SEMA3A: variants seen among roughly 807,000 people sequenced by gnomAD.
SEMA3A encodes semaphorin 3A.
Under a neutral mutation model 97.9 loss-of-function variants are expected in SEMA3A, and 29 were observed. That is an observed-to-expected ratio of 0.30 (90% CI 0.22 to 0.40). SEMA3A has a LOEUF of 0.40. Among genes scored for constraint, SEMA3A ranks in the 10% least tolerant of loss-of-function variants. The pLI is 1.00. For synonymous variants in SEMA3A, 321 were observed against 323.7 expected, an observed-to-expected ratio of 0.99 and a Z score of 0.09; for missense variants, 763 against 951.3, an observed-to-expected ratio of 0.80 and a Z score of 2.60.
At chr7:84,015,746 C>A (rs976111924) in intron 6 of SEMA3A, among the ~76,000 whole-genome samples, 5 of 152,142 alleles carry the variant, frequency 3.3e-5, no homozygotes, top group Non-Finnish European at 7.3e-5. Flanking sequence ...TAATCATTAT[C>A]ATTTGTCCTA....
chr7:84,474,930 G>GA (rs1806242194), intron 1 of SEMA3A, among the ~76,000 whole-genome samples: 3 of 152,094 alleles, frequency 2.0e-5, no homozygotes, highest in African/African-American at 7.2e-5. Flanking sequence ...AAAGTGAAGA[G>GA]AAACTATAAA....
At chr7:84,464,741 G>C (rs1162632122) in intron 1 of SEMA3A, among the ~76,000 whole-genome samples, 1 of 152,166 alleles carries the variant, frequency 6.6e-6, no homozygotes, top group African/African-American at 2.4e-5. Context: ...AGATATCAAA[G>C]ACGGGGAAAG....
At chr7:84,481,547 A>G (rs1409635495) in intron 1 of SEMA3A, among the ~76,000 whole-genome samples, 1 of 152,184 alleles carries the variant, frequency 6.6e-6, no homozygotes, top group East Asian at 1.9e-4. Flanking sequence ...CCCAAAATTT[A>G]TATCTTTGAT....
intron 1 of SEMA3A, among the ~76,000 whole-genome samples, chr7:84,490,680 GA>G (rs1395982489): frequency 6.6e-6 from 1 of 152,104 alleles, no homozygotes; most frequent in Non-Finnish European, 1.5e-5. Flanking sequence ...AATACTACTT[GA>G]TTTTTATTAC....
chr7:84,037,416 C>A (rs942385425), intron 6 of SEMA3A, among the ~76,000 whole-genome samples: 1 of 152,066 alleles, frequency 6.6e-6, no homozygotes, highest in Admixed American at 6.6e-5. Flanking sequence ...CAGCCTTGAC[C>A]TCCCAGGCTC....
intron 4 of SEMA3A, among the ~76,000 whole-genome samples, chr7:84,079,705 A>C: frequency 8.4e-6 from 1 of 119,582 alleles, no homozygotes; most frequent in Non-Finnish European, 1.7e-5. Context: ...AGGAAACAAC[A>C]GGTGCTGGAG....
chr7:84,442,713 A>G (rs1242127234), intron 1 of SEMA3A, among the ~76,000 whole-genome samples: 3 of 152,124 alleles, frequency 2.0e-5, no homozygotes, highest in Non-Finnish European at 2.9e-5. Context: ...AGCCAACTAT[A>G]TATTGTCTAT....
intron 1 of SEMA3A, among the ~76,000 whole-genome samples, chr7:84,418,922 C>A (rs1159102739): frequency 6.6e-6 from 1 of 151,302 alleles, no homozygotes; most frequent in Non-Finnish European, 1.5e-5. Flanking sequence ...CATAAATACA[C>A]ATATATATAT....
intron 1 of SEMA3A, among the ~76,000 whole-genome samples, chr7:84,145,477 T>C (rs1350523267): frequency 6.6e-6 from 1 of 152,176 alleles, no homozygotes; most frequent in Non-Finnish European, 1.5e-5. Context: ...AAAGCAAATG[T>C]AGCAATATAA....
In SEMA3A at chr7:83,984,796, A is replaced by G. The variant is rs147619240; in HGVS notation, c.1494+640T>C. 1.4e-3 allele frequency among the ~76,000 whole-genome samples: 212 copies of G among 152,016 alleles called. 2 individuals carry two copies. The highest frequency in any genetic ancestry group is 5.0e-3 in the African/African-American group (208 of 41,544). ...GCATCCATTTGATATGAATGGAAAGACTATTAACATGCTGCCCTTAACCTT... is the reference window on the plus strand; with the variant it reads ...GCATCCATTTGATATGAATGGAAAGGCTATTAACATGCTGCCCTTAACCTT... On this transcript the variant is annotated intron_variant, in intron 13 of 16. Transcript: ENST00000265362.
chr7:84,487,153 GAAAAGAAATA>G (rs1297257236), intron 1 of SEMA3A, among the ~76,000 whole-genome samples: 10 of 152,056 alleles, frequency 6.6e-5, no homozygotes, highest in African/African-American at 9.7e-5. Flanking sequence ...GGCCTCAAAT[GAAAAGAAATA>G]TTTAATATTA....
intron 1 of SEMA3A, among the ~76,000 whole-genome samples, chr7:84,397,278 C>T (rs1803760564): frequency 6.6e-6 from 1 of 151,598 alleles, no homozygotes. Flanking sequence ...CTGTCAACTG[C>T]TCAATAAACA....
intron 1 of SEMA3A, among the ~76,000 whole-genome samples, chr7:84,416,009 G>C (rs1294454381): frequency 3.9e-5 from 6 of 151,906 alleles, no homozygotes; most frequent in African/African-American, 1.5e-4. Context: ...TTCCTTAGTA[G>C]GTAGACCAGT....
intron 5 of SEMA3A, among the ~76,000 whole-genome samples, chr7:84,058,902 G>C (rs1793104322): frequency 6.6e-6 from 1 of 152,004 alleles, no homozygotes; most frequent in Non-Finnish European, 1.5e-5. Flanking sequence ...ACTTTGGGTG[G>C]TTGCATACCA....
chr7:84,025,000 T>A (rs764852471), intron 6 of SEMA3A, among the ~76,000 whole-genome samples: 3 of 151,886 alleles, frequency 2.0e-5, no homozygotes, highest in African/African-American at 4.8e-5. Flanking sequence ...GGCAGGAGAA[T>A]CTCTTGAACT....
chr7:84,070,329 G>A (rs1793693280), intron 4 of SEMA3A, among the ~76,000 whole-genome samples: 1 of 152,090 alleles, frequency 6.6e-6, no homozygotes, highest in Non-Finnish European at 1.5e-5. Context: ...TTAGACTGTG[G>A]TGAGGTAAGG....
intron 1 of SEMA3A, among the ~76,000 whole-genome samples, chr7:84,431,682 G>A (rs1804985480): frequency 6.6e-6 from 1 of 151,620 alleles, no homozygotes. Flanking sequence ...TTTGATCTAA[G>A]AATTATTGAA....
intron 3 of SEMA3A, among the ~76,000 whole-genome samples, chr7:84,125,221 T>C (rs937300453): frequency 6.6e-6 from 1 of 152,200 alleles, no homozygotes; most frequent in Non-Finnish European, 1.5e-5. Context: ...GGCAATGTTA[T>C]CACACCATTG....
chr7:84,069,818 C>T (rs976453808), intron 4 of SEMA3A, among the ~76,000 whole-genome samples: 2 of 152,028 alleles, frequency 1.3e-5, no homozygotes, highest in African/African-American at 4.8e-5. Flanking sequence ...TATGAATAGA[C>T]ACTAATATTG....
Sources: allele counts gnomAD v4.1 joint callset (sites outside exome capture counted in the v4.1 genomes callset), GRCh38; gene constraint gnomAD v4.1.1; transcripts MANE v1.5; gene names NCBI Gene and HGNC (gene_info 2026-07-23, HGNC 2026-07-21).